Variants in ABCB5 observed in about 807,000 individuals in gnomAD.
ABCB5 encodes ATP binding cassette subfamily B member 5.
ABCB5 carries 155 observed loss-of-function variants against 144.2 expected under a neutral mutation model. That is an observed-to-expected ratio of 1.08 (90% CI 0.94 to 1.23). The LOEUF (loss-of-function observed/expected upper bound fraction) is 1.23, where lower values mean the gene tolerates loss of function less well. ABCB5 is among the 50% of genes most tolerant of loss of function. ABCB5 has a pLI of 0.00. For missense variants in ABCB5, 1,830 were observed against 1,520.8 expected (o/e 1.20, Z -3.38); for synonymous variants, 610 against 528.6 (o/e 1.15, Z -2.11).
Position 20,646,102 on chromosome 7 carries a change from T to C in ABCB5, c.945T>C (p.Asn315=). 6.2e-7 allele frequency: 1 copy of C among 1,613,736 alleles called. No individual in the cohort carries two copies. Among genetic ancestry groups the C allele is most frequent in the Non-Finnish European group, 8.5e-7 (1 of 1,179,750 alleles). The change falls in exon 9 of 28, where the codon AAT becomes AAC. Residue 315 remains asparagine, a synonymous_variant. Transcript: ENST00000404938. ...AFWYGTSLIL[N]GEPGYTIGTV... ...GGTATGGAACCTCCTTGATTCTTAATGGAGAACCTGGATATACCATCGGGA... is the reference window on the plus strand; with the variant it reads ...GGTATGGAACCTCCTTGATTCTTAACGGAGAACCTGGATATACCATCGGGA...
chr7:20,627,370 G>A (rs994550436), intron 3 of ABCB5, among the ~76,000 whole-genome samples: 5 of 152,160 alleles, frequency 3.3e-5, no homozygotes, highest in African/African-American at 9.7e-5. Flanking sequence ...TGCTGTGGAA[G>A]TAACACTATA....
intron 9 of ABCB5, 59 bp from the exon 10 acceptor site, chr7:20,647,476 T>C: frequency 6.7e-7 from 1 of 1,497,806 alleles, no homozygotes; most frequent in Non-Finnish European, 8.9e-7. Flanking sequence ...TATATTACAT[T>C]CTATTGTCTT....
intron 26 of ABCB5, among the ~76,000 whole-genome samples, chr7:20,747,895 C>G (rs984623251): frequency 1.3e-5 from 2 of 152,112 alleles, no homozygotes; most frequent in African/African-American, 2.4e-5. Flanking sequence ...GGTTAGTACC[C>G]TGGGGAGAAT....
At position 20,710,260 on chromosome 7, in the gene ABCB5, G is replaced by A. The variant is rs193128761; in HGVS notation, c.2421+5453G>A. Among the ~76,000 whole-genome samples, 29 of 143,402 alleles carry A rather than the reference G, an allele frequency of 2.0e-4. 1 individual carries two copies. Among genetic ancestry groups the A allele is most frequent in the African/African-American group, 7.0e-4 (27 of 38,396 alleles). The allele number at this position is 143,402 out of a possible 152,430, so 94.1% of individuals were successfully genotyped here. A position where few individuals can be genotyped will look rare whatever the true frequency, so the allele number is the denominator to read the frequency against. On this transcript the variant is annotated intron_variant, in intron 20 of 27. Coordinates refer to ENST00000404938, the MANE Select transcript of ABCB5 (RefSeq NM_001163941.2). ...GGGGCATCTATAATCCCAGCTACTC[G>A]GGAGGCTGAGGCAGGAAAATCGTTT... is the stretch of plus-strand genomic sequence containing the variant.
At chr7:20,616,757 T>C (rs959348872) in intron 1 of ABCB5, among the ~76,000 whole-genome samples, 1 of 152,228 alleles carries the variant, frequency 6.6e-6, no homozygotes, top group Admixed American at 6.5e-5. Flanking sequence ...CAAGTTAAAT[T>C]TATCTTCCTT....
chr7:20,667,081 A>G (rs1162650341), intron 14 of ABCB5: 3 of 534,540 alleles, frequency 5.6e-6, no homozygotes, highest in African/African-American at 4.0e-5. Flanking sequence ...GAATATGTAC[A>G]GTACATGTAG....
chr7:20,646,043 T>C lies in ABCB5; in HGVS notation c.886T>C (p.Phe296Leu). ...ASKVSLGAVY[F>L]FMNGTYGLAF... ...AAAAGTGTCTCTTGGTGCTGTGTAC[T>C]TCTTTATGAATGGAACCTATGGACT... is the stretch of plus-strand genomic sequence containing the variant. The change falls in exon 9 of 28, where the codon TTC becomes CTC. Residue 296 changes from phenylalanine (F) to leucine (L), a missense_variant. Phe to Leu is a conservative substitution (Grantham distance 22). Coordinates refer to ENST00000404938, the MANE Select transcript of ABCB5 (RefSeq NM_001163941.2). 2 of 1,613,896 alleles carry C rather than the reference T, an allele frequency of 1.2e-6. No homozygotes were observed. The highest frequency in any genetic ancestry group is 1.3e-5 in the African/African-American group (1 of 75,060).
chr7:20,714,554 G>T (rs142042424), intron 20 of ABCB5, among the ~76,000 whole-genome samples: 1 of 152,122 alleles, frequency 6.6e-6, no homozygotes, highest in African/African-American at 2.4e-5. Flanking sequence ...TGGAACAGAA[G>T]AAATATATTC....
chr7:20,719,681 G>A (rs1583449174), intron 20 of ABCB5, among the ~76,000 whole-genome samples: 1 of 152,252 alleles, frequency 6.6e-6, no homozygotes, highest in South Asian at 2.1e-4. Context: ...GGGTGAGGAG[G>A]GTGTTCGTGC....
intron 14 of ABCB5, chr7:20,660,217 T>C: frequency 1.0e-6 from 1 of 985,008 alleles, no homozygotes; most frequent in South Asian, 4.7e-5. Flanking sequence ...AGAATGTTTG[T>C]AAACTGATTC....
At chr7:20,712,158 CAAAA>C (rs34938819) in intron 20 of ABCB5, among the ~76,000 whole-genome samples, 7 of 52,642 alleles carry the variant, frequency 1.3e-4, no homozygotes, top group African/African-American at 1.6e-4. Context: ...AAGACGCCGT[CAAAA>C]AAAAAAAAAA....
Position 20,705,693 on chromosome 7 carries a change from G to A in ABCB5, c.2421+886G>A, listed in dbSNP as rs745344986. Among the ~76,000 whole-genome samples the A allele has an allele frequency of 2.3e-4, 35 of 152,220 alleles. 1 individual carries two copies. Among genetic ancestry groups the A allele is most frequent in the Non-Finnish European group, 4.0e-4 (27 of 67,998 alleles). ...TTATTCTGTTTAGGAATACTGAGAT[G>A]TTGCTTGAAGCTTTGTTAGCAGAGC... is the stretch of plus-strand genomic sequence containing the variant. On this transcript the variant is annotated intron_variant, in intron 20 of 27. Coordinates refer to ENST00000404938, the MANE Select transcript of ABCB5 (RefSeq NM_001163941.2).
At chr7:20,654,664 C>T (rs1480863300) in intron 13 of ABCB5, among the ~76,000 whole-genome samples, 1 of 151,850 alleles carries the variant, frequency 6.6e-6, no homozygotes, top group South Asian at 2.1e-4. Flanking sequence ...TGTTCTCAGA[C>T]CATAATATAA....
chr7:20,739,768 A>G (rs1269183768), intron 24 of ABCB5, among the ~76,000 whole-genome samples: 1 of 152,128 alleles, frequency 6.6e-6, no homozygotes, highest in Admixed American at 6.6e-5. Context: ...CTGCTGCTTC[A>G]GACACCATTT....
intron 20 of ABCB5, among the ~76,000 whole-genome samples, chr7:20,709,877 A>ACCAGGCTGCCAAC: frequency 6.9e-6 from 1 of 145,548 alleles, no homozygotes; most frequent in Non-Finnish European, 1.5e-5. Flanking sequence ...GGTGTTAGAC[A>ACCAGGCTGCCAAC]CCAGGCTGCC....
chr7:20,695,048 G>A (rs1026283153), intron 16 of ABCB5, among the ~76,000 whole-genome samples: 6 of 151,956 alleles, frequency 3.9e-5, no homozygotes, highest in Admixed American at 2.6e-4. Context: ...ACATGGAAAT[G>A]CAGAAAGCCA....
chr7:20,735,007 C>A (rs1562585607), intron 23 of ABCB5, among the ~76,000 whole-genome samples: 1 of 152,172 alleles, frequency 6.6e-6, no homozygotes, highest in Non-Finnish European at 1.5e-5. Context: ...CGACCAAGAA[C>A]CATTCCTAAT....
intron 16 of ABCB5, among the ~76,000 whole-genome samples, chr7:20,688,210 A>G (rs916321070): frequency 1.8e-4 from 27 of 152,222 alleles, no homozygotes; most frequent in African/African-American, 5.8e-4. Flanking sequence ...AAACCAAAAA[A>G]CAAAATAAAA....
At chr7:20,678,836 A>G (rs760480439) in intron 14 of ABCB5, among the ~76,000 whole-genome samples, 8 of 152,216 alleles carry the variant, frequency 5.3e-5, no homozygotes, top group Non-Finnish European at 1.0e-4. Flanking sequence ...AACAATTGTC[A>G]CCTGATTTAT....
Sources: allele counts gnomAD v4.1 joint callset (sites outside exome capture counted in the v4.1 genomes callset), GRCh38; gene constraint gnomAD v4.1.1; transcripts MANE v1.5; gene names NCBI Gene and HGNC (gene_info 2026-07-23, HGNC 2026-07-21).